USP48: variants seen among roughly 807,000 people sequenced by gnomAD.
USP48 encodes ubiquitin specific peptidase 48, also known as ubiquitin carboxyl-terminal hydrolase 48.
USP48 carries 43 observed loss-of-function variants against 150.7 expected under a neutral mutation model. The ratio of observed to expected loss-of-function variants is 0.29; its 90% confidence interval spans 0.22 to 0.37. USP48 has a LOEUF of 0.37. Ranked by LOEUF, USP48 falls within the 10% of genes least tolerant of loss-of-function variation. The pLI is 1.00. For missense variants in USP48, 813 were observed against 1,249.6 expected, an observed-to-expected ratio of 0.65 and a Z score of 5.27; for synonymous variants, 396 against 425.9, an observed-to-expected ratio of 0.93 and a Z score of 0.86.
chr1:21,756,401 AGCCCAGGAG>A, intron 3 of USP48, 136 bp downstream of exon 3: 1 of 960,822 alleles, frequency 1.0e-6, no homozygotes, highest in Non-Finnish European at 1.5e-6. Flanking sequence ...GAATCGCTTC[AGCCCAGGAG>A]GCAGACGTTG....
intron 14 of USP48, among the ~76,000 whole-genome samples, chr1:21,716,152 A>AC (rs2097703659): frequency 6.6e-6 from 1 of 151,888 alleles, no homozygotes; most frequent in African/African-American, 2.4e-5. Context: ...TCAGCATATG[A>AC]TTTTTTTTCT....
intron 22 of USP48, among the ~76,000 whole-genome samples, chr1:21,696,911 G>GA (rs397697561): frequency 6.6e-6 from 1 of 150,818 alleles, no homozygotes; most frequent in Non-Finnish European, 1.5e-5. Flanking sequence ...GGGGATGGGG[G>GA]GTGAGTGAGA....
intron 8 of USP48, among the ~76,000 whole-genome samples, chr1:21,739,938 G>T (rs1188935486): frequency 2.6e-5 from 4 of 152,272 alleles, no homozygotes; most frequent in South Asian, 2.1e-4. Context: ...TTGAGATGGA[G>T]TTTGGTCTTG....
intron 22 of USP48, among the ~76,000 whole-genome samples, chr1:21,700,118 G>A (rs1371389439): frequency 6.6e-6 from 1 of 151,592 alleles, no homozygotes; most frequent in Non-Finnish European, 1.5e-5. Flanking sequence ...TATGCACACA[G>A]AGTTTAATAA....
chr1:21,714,078 G>T (rs1044745122), intron 15 of USP48, among the ~76,000 whole-genome samples: 4 of 152,174 alleles, frequency 2.6e-5, no homozygotes, highest in African/African-American at 9.7e-5. Flanking sequence ...GTGCCAATGT[G>T]CATCAGGGAT....
intron 5 of USP48, among the ~76,000 whole-genome samples, chr1:21,752,086 T>C (rs1170300933): frequency 6.6e-6 from 1 of 151,800 alleles, no homozygotes; most frequent in Non-Finnish European, 1.5e-5. Flanking sequence ...GTTGGGAAAC[T>C]TTCTTAAAAT....
intron 1 of USP48, among the ~76,000 whole-genome samples, chr1:21,778,116 C>A (rs1367733400): frequency 6.6e-6 from 1 of 150,866 alleles, no homozygotes; most frequent in African/African-American, 2.4e-5. Context: ...GCACTCCAGC[C>A]TGGGTGACAG....
In USP48 at chr1:21,679,070, G is replaced by A. The variant is rs183514931; in HGVS notation, c.*347C>T. ...CGCATCTGGTATGAAACTCGAGCAAGGAAATATAACAGAACTTTATTCCCC... is the reference window on the plus strand; with the variant it reads ...CGCATCTGGTATGAAACTCGAGCAAAGAAATATAACAGAACTTTATTCCCC... On this transcript the variant is annotated 3_prime_UTR_variant, in exon 27 of 27. Transcript: ENST00000308271. The A allele has an allele frequency of 4.8e-5, 18 of 374,412 alleles. No homozygotes were observed. Among genetic ancestry groups the A allele is most frequent in the African/African-American group, 3.2e-4 (15 of 47,342 alleles). 23.2% of individuals were successfully genotyped at this position (374,412 alleles called of 1,614,324 possible). A position where few individuals can be genotyped will look rare whatever the true frequency, so the allele number is the denominator to read the frequency against.
In USP48 at chr1:21,736,617, A is replaced by AG; in HGVS notation, c.999dup (p.Tyr334LeufsTer4). The AG allele has an allele frequency of 7.0e-7, 1 of 1,432,682 alleles. No homozygotes were observed. The highest frequency in any genetic ancestry group is 9.2e-7 in the Non-Finnish European group (1 of 1,091,932). The allele number at this position is 1,432,682 out of a possible 1,614,324, so 88.7% of individuals were successfully genotyped here. The stretch of plus-strand genomic sequence containing the variant: ...AGGACTGCGCTGAGTTCATACACGT[A>AG]GGACCCACCTGGAGAGAAAGGGAGA... On this transcript the variant is annotated frameshift_variant, in exon 9 of 27. Transcript: ENST00000308271. LOFTEE classifies it high-confidence loss of function.
intron 1 of USP48, among the ~76,000 whole-genome samples, chr1:21,781,096 AGCGTCTCACGACGCTGTC>A (rs1328710286): frequency 6.7e-6 from 1 of 149,264 alleles, no homozygotes; most frequent in Non-Finnish European, 1.5e-5. Flanking sequence ...AAATTTATCC[AGCGTCTCACGACGCTGTC>A]TCGAAAAAAA....
intron 2 of USP48, 82 bp downstream of exon 2, chr1:21,757,581 T>G: frequency 6.7e-7 from 1 of 1,484,848 alleles, no homozygotes; most frequent in East Asian, 2.3e-5. Flanking sequence ...TCAGTAGAGT[T>G]TTCTGATCAC....
At chr1:21,771,298 C>G (rs2097879596) in intron 1 of USP48, among the ~76,000 whole-genome samples, 1 of 151,324 alleles carries the variant, frequency 6.6e-6, no homozygotes, top group African/African-American at 2.4e-5. Context: ...CGCCTGAACC[C>G]GGGAGATGGA....
intron 3 of USP48, 101 bp from the exon 4 acceptor site, chr1:21,753,220 T>C (rs906657355): frequency 2.0e-5 from 24 of 1,201,606 alleles, no homozygotes; most frequent in Non-Finnish European, 2.7e-5. Flanking sequence ...CATCTCTACA[T>C]CCAAACTAGA....
intron 1 of USP48, among the ~76,000 whole-genome samples, chr1:21,773,147 T>C (rs1203105490): frequency 6.8e-6 from 1 of 146,180 alleles, no homozygotes; most frequent in East Asian, 2.0e-4. Context: ...CTCAGCTACT[T>C]GGGAGGCTGA....
At chr1:21,755,013 T>G (rs754602249) in intron 3 of USP48, among the ~76,000 whole-genome samples, 1 of 152,212 alleles carries the variant, frequency 6.6e-6, no homozygotes, top group Non-Finnish European at 1.5e-5. Flanking sequence ...GGTTGTTCCC[T>G]GTATCTGCTG....
chr1:21,743,345 A>C (rs544425129), intron 8 of USP48, among the ~76,000 whole-genome samples: 17 of 152,178 alleles, frequency 1.1e-4, no homozygotes, highest in Non-Finnish European at 1.9e-4. Context: ...CTCAGCTGAA[A>C]ACATATAAAT....
intron 14 of USP48, among the ~76,000 whole-genome samples, chr1:21,717,913 G>A (rs746550664): frequency 1.3e-5 from 2 of 152,190 alleles, no homozygotes; most frequent in African/African-American, 4.8e-5. Context: ...TCCAGACTGG[G>A]CAACAGAGGG....
intron 24 of USP48, among the ~76,000 whole-genome samples, chr1:21,687,947 G>A (rs1044289500): frequency 5.9e-5 from 9 of 152,180 alleles, no homozygotes; most frequent in Non-Finnish European, 7.3e-5. Context: ...GTGGGATGAG[G>A]GGTGTGTGTG....
intron 22 of USP48, among the ~76,000 whole-genome samples, chr1:21,699,880 T>C (rs1036177954): frequency 1.7e-4 from 26 of 151,474 alleles, no homozygotes; most frequent in Non-Finnish European, 3.7e-4. Flanking sequence ...TGCACAAATG[T>C]GGCTCGAAAG....
Sources: allele counts gnomAD v4.1 joint callset (sites outside exome capture counted in the v4.1 genomes callset), GRCh38; gene constraint gnomAD v4.1.1; transcripts MANE v1.5; gene names NCBI Gene and HGNC (gene_info 2026-07-23, HGNC 2026-07-21).